Variants in CDH23 observed in about 807,000 individuals in gnomAD.
The protein encoded by CDH23 is cadherin-23.
A neutral mutation model predicts 317.1 loss-of-function variants in CDH23; 189 were observed. The ratio of observed to expected loss-of-function variants is 0.60; its 90% CI spans 0.53 to 0.67. The LOEUF is 0.67. Among genes scored for constraint, CDH23 ranks in the 30% least tolerant of loss-of-function variants. The pLI, the probability that CDH23 is intolerant of heterozygous loss-of-function variation, is 0.00. For missense variants in CDH23, 4,401 were observed against 4,592.4 expected, an observed-to-expected ratio of 0.96 and a Z score of 1.20; for synonymous variants, 1,839 against 1,876.8, an observed-to-expected ratio of 0.98 and a Z score of 0.52.
intron 9 of CDH23, among the ~76,000 whole-genome samples, chr10:71,584,234 C>T (rs577833917): frequency 5.9e-5 from 9 of 152,178 alleles, no homozygotes; most frequent in African/African-American, 1.4e-4. Flanking sequence ...AAAGCAATTA[C>T]GTAAAAATGT....
chr10:71,740,476 C>T (rs1839704951), intron 36 of CDH23, among the ~76,000 whole-genome samples: 1 of 152,230 alleles, frequency 6.6e-6, no homozygotes, highest in Admixed American at 6.5e-5. Context: ...GGTCAGGTTG[C>T]AGGCCCAGGG....
chr10:71,618,838 C>CACACGTGTGTGTGTGTGT (rs1202226437), intron 11 of CDH23, among the ~76,000 whole-genome samples: 5 of 149,616 alleles, frequency 3.3e-5, no homozygotes, highest in African/African-American at 4.9e-5. Context: ...AGTGTGTGTG[C>CACACGTGTGTGTGTGTGT]ACACGTGTGT....
chr10:71,808,570 C>CA (rs1345829880), intron 60 of CDH23, among the ~76,000 whole-genome samples: 3 of 152,224 alleles, frequency 2.0e-5, no homozygotes, highest in Non-Finnish European at 4.4e-5. Flanking sequence ...TGTGCACTGA[C>CA]CTGTGTGGAT....
rs1356032540 is a variant in CDH23 at position 71,793,551 on chromosome 10, A to G, written c.6623A>G (p.Glu2208Gly). 16 of 1,613,302 alleles carry G rather than the reference A, an allele frequency of 9.9e-6. No homozygotes were observed. Among genetic ancestry groups the G allele is most frequent in the Non-Finnish European group, 1.4e-5 (16 of 1,179,594 alleles). ...GACCACGACCTCAACCCAAAGCTAG[A>G]GTACCACATTGTCGGCATTGTGGCC... ...AIDHDLNPKLEYHIVGIVAKD... is the reference protein window; with the variant it reads ...AIDHDLNPKLGYHIVGIVAKD... Residue 2208 changes from glutamate to glycine, a missense_variant, in exon 48 of 70, where the codon GAG (glutamate) becomes GGG (glycine). Physicochemically the swap from Glu to Gly is moderately conservative, Grantham distance 98 (BLOSUM62 -2). Around this residue, in one of 3 missense-constraint regions of CDH23, gnomAD observed 3,068 missense variants for 3,203.3 expected, o/e 0.96. Coordinates refer to ENST00000224721, the MANE Select transcript of CDH23 (RefSeq NM_022124.6).
intron 7 of CDH23, 53 bp from the exon 8 acceptor site, chr10:71,570,737 A>T (rs2132374565): frequency 6.4e-7 from 1 of 1,558,488 alleles, no homozygotes; most frequent in Non-Finnish European, 8.7e-7. Context: ...TATGTGTGTG[A>T]GTGTCCCCAC....
chr10:71,591,807 G>A (rs1459070848), intron 9 of CDH23, among the ~76,000 whole-genome samples: 1 of 152,058 alleles, frequency 6.6e-6, no homozygotes, highest in African/African-American at 2.4e-5. Context: ...CCTGGCCCAG[G>A]GCAGGTGCTC....
intron 3 of CDH23, among the ~76,000 whole-genome samples, chr10:71,467,423 C>A (rs926506327): frequency 4.6e-5 from 7 of 152,204 alleles, no homozygotes; most frequent in Admixed American, 3.9e-4. Flanking sequence ...TTCTAAGAAG[C>A]TTCCAGGCGA....
At chr10:71,693,638 T>G (rs1865267274) in intron 20 of CDH23, among the ~76,000 whole-genome samples, 1 of 152,158 alleles carries the variant, frequency 6.6e-6, no homozygotes, top group Non-Finnish European at 1.5e-5. Flanking sequence ...CTGGCACTGT[T>G]CTAAGATTTC....
In CDH23 at chr10:71,461,441, C is replaced by T. The variant is rs530854284; in HGVS notation, c.145+15046C>T. Among the ~76,000 whole-genome samples, 143 of 152,342 alleles carry T rather than the reference C, an allele frequency of 9.4e-4. 1 individual carries two copies. Among genetic ancestry groups the T allele is most frequent in the African/African-American group, 3.0e-3 (125 of 41,578 alleles). On this transcript the variant is annotated intron_variant, in intron 3 of 69. Coordinates refer to ENST00000224721, the MANE Select transcript of CDH23 (RefSeq NM_022124.6). ...CCTTAGGCTGGGGAAGCCTTTTCTC[C>T]GGAAGAGGTGTCTGGAGAGGGAATG...
rs2132990407 is a variant in CDH23, at chr10:71,807,901, T to C, written c.8616T>C (p.Asp2872=). The C allele has an allele frequency of 6.2e-6, 10 of 1,604,248 alleles. No individual in the cohort carries two copies. The highest frequency in any genetic ancestry group is 2.3e-5 in the East Asian group (1 of 44,428). ...AGTTGATCCAGGTGCTGGCCCTGGA[T>C]GCAGACATTGGCAACAACAGCCTTG... ...GSELIQVLAL[D]ADIGNNSLVF... is the part of the protein sequence containing the mutation. The change falls in exon 60 of 70, where the codon GAT becomes GAC. Residue 2872 remains aspartate (D), a synonymous_variant. Transcript: ENST00000224721.
intron 9 of CDH23, among the ~76,000 whole-genome samples, chr10:71,598,537 C>A (rs1860007960): frequency 6.6e-6 from 1 of 152,204 alleles, no homozygotes; most frequent in Admixed American, 6.5e-5. Context: ...TTCCCTCCTG[C>A]CGACAGACTA....
intron 3 of CDH23, among the ~76,000 whole-genome samples, chr10:71,495,663 T>A (rs1852918399): frequency 6.7e-6 from 1 of 149,534 alleles, no homozygotes. Context: ...CAAGACCTCA[T>A]CTCTATTAAA....
At chr10:71,567,247 C>T (rs1857461671) in intron 7 of CDH23, among the ~76,000 whole-genome samples, 1 of 152,182 alleles carries the variant, frequency 6.6e-6, no homozygotes, top group Non-Finnish European at 1.5e-5. Flanking sequence ...TTTCCATGGT[C>T]ACCCAGGAGC....
intron 13 of CDH23, 58 bp downstream of exon 13, chr10:71,646,038 C>G (rs562546644): frequency 6.3e-7 from 1 of 1,578,658 alleles, no homozygotes; most frequent in African/African-American, 1.4e-5. Flanking sequence ...TCAGGGGAGG[C>G]GAGGGTAGGG....
Position 71,805,788 on chromosome 10 carries a change from T to TC in CDH23, c.7873-14dup. On this transcript the variant is annotated splice_polypyrimidine_tract_variant and intron_variant, in intron 55 of 69. Transcript: ENST00000224721. ...TCTTTCAGGGGTCCAGGAGCCTTCC[T>TC]CCCCATGCTCCCCACAGGAGATCCC... The TC allele has an allele frequency of 6.2e-7, 1 of 1,602,832 alleles. No individual in the cohort carries two copies. Among genetic ancestry groups the TC allele is most frequent in the African/African-American group, 1.3e-5 (1 of 74,782 alleles).
chr10:71,403,459 TTCCTTCCTTCCTTCC>T (rs1564558609), intron 1 of CDH23, among the ~76,000 whole-genome samples: 268 of 25,072 alleles, frequency 0.011, 9 homozygotes, highest in Middle Eastern at 0.019. Context: ...CTTCCTTTCC[TTCCTTCCTTCCTTCC>T]TTCCTTCCTT....
intron 38 of CDH23, among the ~76,000 whole-genome samples, chr10:71,758,334 G>A (rs907965867): frequency 6.6e-6 from 1 of 152,198 alleles, no homozygotes; most frequent in Admixed American, 6.5e-5. Context: ...TGTATCTCCA[G>A]GGCCTAGCAG....
chr10:71,648,575 G>T (rs1291670862), intron 14 of CDH23, among the ~76,000 whole-genome samples: 1 of 152,320 alleles, frequency 6.6e-6, no homozygotes, highest in African/African-American at 2.4e-5. Flanking sequence ...CTATAGAGCC[G>T]GGAGGAGATG....
intron 41 of CDH23, among the ~76,000 whole-genome samples, chr10:71,783,388 G>A (rs116978441): frequency 3.4e-3 from 521 of 152,356 alleles, no homozygotes; most frequent in Middle Eastern, 0.01. Context: ...CAAGTCCTGT[G>A]CGAGGCAATG....
Sources: allele counts gnomAD v4.1 joint callset (sites outside exome capture counted in the v4.1 genomes callset), GRCh38; gene constraint gnomAD v4.1.1; regional missense constraint gnomAD v4.1.1; transcripts MANE v1.5; gene names NCBI Gene and HGNC (gene_info 2026-07-23, HGNC 2026-07-21).